ATP11C: variants seen among roughly 807,000 people sequenced by gnomAD.
ATP11C encodes ATPase phospholipid transporting 11C (ATP11C blood group), also known as phospholipid-transporting ATPase IG.
ATP11C carries 36 observed loss-of-function variants against 97.4 expected under a neutral mutation model. The ratio of observed to expected loss-of-function variants is 0.37; its 90% CI spans 0.28 to 0.49. The LOEUF is 0.49. ATP11C is among the 20% of genes least tolerant of loss of function. The pLI, the probability that ATP11C is intolerant of heterozygous loss-of-function variation, is 0.98. For missense variants in ATP11C, 730 were observed against 824.6 expected, an observed-to-expected ratio of 0.89 and a Z score of 1.40; for synonymous variants, 275 against 290.9, an observed-to-expected ratio of 0.95 and a Z score of 0.56.
chrX:139,862,410 G>A (rs1485747829), intron 1 of ATP11C, among the ~76,000 whole-genome samples: 1 of 111,556 alleles, frequency 9.0e-6, no homozygotes. Flanking sequence ...CTGGGAGAGG[G>A]GGCAATTTTG....
Position 139,932,948 on chromosome X carries a change from C to G in ATP11C, c.-906G>C, listed in dbSNP as rs1917152308. On this transcript the variant is annotated 5_prime_UTR_variant, in exon 1 of 30. Coordinates refer to ENST00000682941, the MANE Select transcript of ATP11C (RefSeq NM_001353812.2). ...CCTCGACCCTCGCGCCGCTGTACTC[C>G]CACCTACGCGGCTTTCCCTCCTCTC... 8.9e-6 allele frequency: 1 copy of G among 112,494 alleles called. No individual in the cohort carries two copies. The highest frequency in any genetic ancestry group is 3.2e-5 in the African/African-American group (1 of 30,947). The allele number at this position is 112,494 out of a possible 1,213,427, so 9.3% of individuals were successfully genotyped here.
intron 21 of ATP11C, among the ~76,000 whole-genome samples, chrX:139,762,576 G>A (rs1411972968): frequency 9.0e-6 from 1 of 111,111 alleles, no homozygotes; most frequent in African/African-American, 3.3e-5. Context: ...AGCAGCTTTA[G>A]GCCATTTGAC....
chrX:139,794,608 T>TC (rs1216239335), intron 12 of ATP11C, among the ~76,000 whole-genome samples: 1 of 111,596 alleles, frequency 9.0e-6, no homozygotes, highest in Non-Finnish European at 1.9e-5. Flanking sequence ...CAGCTTCTTT[T>TC]CACTCATCAA....
chrX:139,790,032 G>GA (rs77810327), intron 12 of ATP11C, among the ~76,000 whole-genome samples: 470 of 92,874 alleles, frequency 5.1e-3, no homozygotes, highest in South Asian at 0.013. Context: ...TCTGTCTCAG[G>GA]AAAAAAAAAA....
At chrX:139,843,188 T>C (rs761660805) in intron 1 of ATP11C, among the ~76,000 whole-genome samples, 81 of 112,521 alleles carry the variant, frequency 7.2e-4, no homozygotes, top group Non-Finnish European at 1.1e-4. Flanking sequence ...CCAGTGATTC[T>C]TGAAGCTGTG....
chrX:139,815,013 G>A (rs760861008), intron 4 of ATP11C, 28 bp from the exon 5 acceptor site: 6 of 885,239 alleles, frequency 6.8e-6, no homozygotes, highest in Non-Finnish European at 9.5e-6. Context: ...CTATATAATT[G>A]AGTTCTGATA....
At chrX:139,764,564 T>A (rs1392310014) in intron 20 of ATP11C, among the ~76,000 whole-genome samples, 6 of 112,653 alleles carry the variant, frequency 5.3e-5, no homozygotes, top group African/African-American at 1.9e-4. Flanking sequence ...TAAAAAAAAA[T>A]AATTTAGTAG....
At chrX:139,893,895 CTTT>C (rs72475232) in intron 1 of ATP11C, among the ~76,000 whole-genome samples, 1 of 104,623 alleles carries the variant, frequency 9.6e-6, no homozygotes, top group Non-Finnish European at 2.0e-5. Context: ...ACTTATAATT[CTTT>C]TTTTTTTTAA....
rs191741197 is a variant in ATP11C, at chrX:139,859,449, C to T, written c.28-32626G>A. Among the ~76,000 whole-genome samples, 49 of 111,436 alleles carry T rather than the reference C, an allele frequency of 4.4e-4. No homozygotes were observed. The East Asian group carries it at 0.013, about 30-fold the overall frequency. The stretch of plus-strand genomic sequence containing the variant: ...CATGTATTGAAATATCACTCTATAC[C>T]CCATAAATACATTATGTGTCAATTA... On this transcript the variant is annotated intron_variant, in intron 1 of 29. Transcript: ENST00000682941.
In ATP11C at chrX:139,826,804, C is replaced by T. The variant is rs747995530; in HGVS notation, c.47G>A (p.Arg16Gln). Residue 16 changes from arginine (R) to glutamine (Q), a missense_variant, in exon 2 of 30, where the codon CGA becomes CAA. Transcript: ENST00000682941. ...LNRFCAGEEK[R>Q]VGTRTVFVGN... The stretch of plus-strand genomic sequence containing the variant: ...AACAAACACTGTGCGTGTGCCAACT[C>T]GTTTCTCTTCTCCAGCACACTGACC... 3.3e-6 allele frequency: 4 copies of T among 1,206,809 alleles called. No homozygotes were observed. Among genetic ancestry groups the T allele is most frequent in the South Asian group, 3.6e-5 (2 of 56,284 alleles).
At chrX:139,788,151 A>G (rs2082615495) in intron 14 of ATP11C, 41 bp downstream of exon 14, 2 of 1,125,294 alleles carry the variant, frequency 1.8e-6, no homozygotes, top group African/African-American at 3.6e-5. Context: ...TCCTCCTGTG[A>G]TTTCACTTTC....
intron 1 of ATP11C, among the ~76,000 whole-genome samples, chrX:139,896,593 AC>A (rs1298451004): frequency 1.2e-5 from 1 of 80,717 alleles, no homozygotes; most frequent in Non-Finnish European, 2.4e-5. Context: ...ACACACACAC[AC>A]TTTTTTTCCC....
At position 139,878,452 on chromosome X, in the gene ATP11C, T is replaced by A. The variant is rs773498910; in HGVS notation, c.28-51629A>T. Among the ~76,000 whole-genome samples the A allele has an allele frequency of 8.9e-5, 10 of 112,229 alleles. No individual in the cohort carries two copies. The East Asian group carries it at 2.8e-3, about 31-fold the overall frequency. ...AAATTAATATGTTTTTAACTTTGTG[T>A]GAAAATCAAAACAAGATATTTTTGT... On this transcript the variant is annotated intron_variant, in intron 1 of 29. Coordinates refer to ENST00000682941, the MANE Select transcript of ATP11C (RefSeq NM_001353812.2).
At chrX:139,918,521 C>T (rs1238802955) in intron 1 of ATP11C, among the ~76,000 whole-genome samples, 1 of 78,225 alleles carries the variant, frequency 1.3e-5, no homozygotes, top group Non-Finnish European at 2.3e-5. Context: ...ACTCGGGAGG[C>T]TGAGGCAGGA....
chrX:139,795,183 G>C (rs1253265946), intron 12 of ATP11C, among the ~76,000 whole-genome samples: 1 of 111,731 alleles, frequency 9.0e-6, no homozygotes, highest in Non-Finnish European at 1.9e-5. Flanking sequence ...CCTATTCTTA[G>C]TGCCTTGGTA....
chrX:139,881,687 A>C (rs2084564296), intron 1 of ATP11C, among the ~76,000 whole-genome samples: 1 of 112,064 alleles, frequency 8.9e-6, no homozygotes, highest in Admixed American at 9.5e-5. Context: ...CCATTAGCTG[A>C]GACTTTGAAA....
In ATP11C at chrX:139,796,527, T is replaced by C. The variant is rs1025377896; in HGVS notation, c.1009-57A>G. The stretch of plus-strand genomic sequence containing the variant: ...GACATACAATTTCATCAGACCAATA[T>C]AATATAAAGGAAGAATTAATTTCAT... On this transcript the variant is annotated intron_variant, in intron 11 of 29. Coordinates refer to ENST00000682941, the MANE Select transcript of ATP11C (RefSeq NM_001353812.2). 19 of 765,854 alleles carry C rather than the reference T, an allele frequency of 2.5e-5. No homozygotes were observed. The African/African-American group carries it at 3.4e-4, about 14-fold the overall frequency. 63.1% of individuals were successfully genotyped at this position (765,854 alleles called of 1,213,427 possible).
intron 17 of ATP11C, 25 bp from the exon 18 acceptor site, chrX:139,782,753 A>T: frequency 2.9e-6 from 3 of 1,032,682 alleles, no homozygotes; most frequent in Non-Finnish European, 3.9e-6. Flanking sequence ...GGAGATCTGT[A>T]GTTATTCTAA....
chrX:139,807,482 C>G (rs1205807406), intron 5 of ATP11C, among the ~76,000 whole-genome samples: 1 of 111,387 alleles, frequency 9.0e-6, no homozygotes, highest in Non-Finnish European at 1.9e-5. Context: ...CCACTGACCT[C>G]AGTGAATACC....
Sources: allele counts gnomAD v4.1 joint callset (sites outside exome capture counted in the v4.1 genomes callset), GRCh38; gene constraint gnomAD v4.1.1; transcripts MANE v1.5; gene names NCBI Gene and HGNC (gene_info 2026-07-23, HGNC 2026-07-21).